Variants in SDSL observed in about 807,000 individuals in gnomAD.
SDSL encodes serine dehydratase like.
Under a neutral mutation model 27.6 loss-of-function variants are expected in SDSL, and 26 were observed. The ratio of observed to expected loss-of-function variants is 0.94; its 90% CI spans 0.69 to 1.31. SDSL has a LOEUF of 1.31. Ranked by LOEUF, SDSL falls within the 50% of genes most tolerant of loss-of-function variation. The probability of loss-of-function intolerance (pLI) is 0.00; values close to 1 mark genes in which losing one functional copy is unlikely to be tolerated. For synonymous variants in SDSL, 196 were observed against 180.6 expected (o/e 1.09, Z -0.69); for missense variants, 431 against 423.5 (o/e 1.02, Z -0.16).
intron 6 of SDSL, 121 bp from the exon 7 acceptor site, chr12:113,436,630 G>A: frequency 9.4e-7 from 1 of 1,059,408 alleles, no homozygotes; most frequent in Non-Finnish European, 1.3e-6. Context: ...GACTTATAAT[G>A]CTGAGCTCCA....
chr12:113,431,979 A>G (rs1593312869), intron 4 of SDSL, among the ~76,000 whole-genome samples: 1 of 147,360 alleles, frequency 6.8e-6, no homozygotes, highest in Non-Finnish European at 1.5e-5. Flanking sequence ...ATGGTCTCGA[A>G]CTCCTGACCT....
At chr12:113,435,236 A>T in intron 5 of SDSL, 93 bp from the exon 6 acceptor site, 1 of 822,988 alleles carries the variant, frequency 1.2e-6, no homozygotes, top group Non-Finnish European at 1.8e-6. Flanking sequence ...GAGGGGGCAG[A>T]GAACCCACCC....
intron 1 of SDSL, chr12:113,426,205 C>T (rs1446426716): frequency 2.2e-6 from 1 of 456,004 alleles, no homozygotes; most frequent in African/African-American, 2.0e-5. Context: ...TGCATTTCTC[C>T]CTCGAGGTGG....
chr12:113,434,007 G>T, intron 4 of SDSL, 127 bp from the exon 5 acceptor site: 1 of 680,934 alleles, frequency 1.5e-6, no homozygotes. Context: ...ACCAGGTATG[G>T]TCTCATCTGC....
chr12:113,423,060 C>G (rs1957810203), intron 1 of SDSL, among the ~76,000 whole-genome samples: 1 of 152,204 alleles, frequency 6.6e-6, no homozygotes, highest in South Asian at 2.1e-4. Flanking sequence ...CAAGACAGCT[C>G]AGTCCCAGAC....
intron 1 of SDSL, chr12:113,426,211 G>A (rs961970836): frequency 2.4e-5 from 11 of 455,702 alleles, no homozygotes; most frequent in Admixed American, 2.4e-4. Flanking sequence ...TCTCCCTCGA[G>A]GTGGTCCTGG....
chr12:113,435,428 G>C lies in SDSL; in HGVS notation c.543G>C (p.Gly181=). 1 of 1,613,628 alleles carries C rather than the reference G, an allele frequency of 6.2e-7. No homozygotes were observed. The highest frequency in any genetic ancestry group is 8.5e-7 in the Non-Finnish European group (1 of 1,179,836). ...TTGGGGGTGGGGGTCTCCTGGCCGG[G>C]GTGGTGGCTGGCCTGCTGGAGGTGG... ...LAVGGGGLLA[G]VVAGLLEVGW... The change falls in exon 6 of 8, where the codon GGG becomes GGC. Residue 181 remains glycine, a synonymous_variant. Coordinates refer to ENST00000403593, the MANE Select transcript of SDSL (RefSeq NM_001304993.2).
intron 1 of SDSL, among the ~76,000 whole-genome samples, chr12:113,423,251 C>T (rs1435872546): frequency 5.9e-5 from 9 of 152,194 alleles, no homozygotes; most frequent in Admixed American, 5.9e-4. Context: ...TAAATGCATG[C>T]AGCTTTCATA....
chr12:113,437,328 C>A (rs1417157269), intron 7 of SDSL, among the ~76,000 whole-genome samples: 3 of 152,192 alleles, frequency 2.0e-5, no homozygotes, highest in Non-Finnish European at 2.9e-5. Flanking sequence ...TCCCTAGGGC[C>A]TTCCTGGCAT....
chr12:113,431,760 G>A (rs190309833), intron 4 of SDSL, among the ~76,000 whole-genome samples: 1 of 138,898 alleles, frequency 7.2e-6, no homozygotes, highest in Non-Finnish European at 1.5e-5. Flanking sequence ...TTTTTTTTGA[G>A]ACGAGTCTCG....
intron 4 of SDSL, among the ~76,000 whole-genome samples, chr12:113,430,928 G>A (rs1473197749): frequency 6.6e-6 from 1 of 152,188 alleles, no homozygotes; most frequent in Non-Finnish European, 1.5e-5. Flanking sequence ...TAAGCCACAT[G>A]GCAAGGTGTA....
At position 113,431,581 on chromosome 12, in the gene SDSL, T is replaced by A. The variant is rs565901473; in HGVS notation, c.354+2282T>A. Among the ~76,000 whole-genome samples the A allele has an allele frequency of 6.6e-5, 10 of 151,972 alleles. No homozygotes were observed. In the South Asian group the frequency reaches 2.1e-3, roughly 32 times the overall value. ...ACATAGTACCAACAGGTAGTTGTTT[T>A]TTTTTTTTTTGAGACAGAGTCTTAT... On this transcript the variant is annotated intron_variant, in intron 4 of 7. Coordinates refer to ENST00000403593, the MANE Select transcript of SDSL (RefSeq NM_001304993.2).
intron 4 of SDSL, among the ~76,000 whole-genome samples, chr12:113,432,270 T>TCTCTC (rs1565879188): frequency 1.7e-5 from 2 of 116,266 alleles, no homozygotes; most frequent in African/African-American, 6.4e-5. Context: ...CTTTCTTTCT[T>TCTCTC]TCTTTCTTTC....
Position 113,436,769 on chromosome 12 carries a change from T to G in SDSL, c.690T>G (p.Gly230=), listed in dbSNP as rs1472482948. Residue 230 remains glycine, a synonymous_variant, in exon 7 of 8, where the codon GGT becomes GGG. Transcript: ENST00000403593. ...CCTGCAGTGTGGCCAAGAGCCTGGGTGCCAAGACGGTGGCCGCTCGGGCCC... is the reference window on the plus strand; with the variant it reads ...CCTGCAGTGTGGCCAAGAGCCTGGGGGCCAAGACGGTGGCCGCTCGGGCCC... ...PDITSVAKSL[G]AKTVAARALE... 1 of 1,609,472 alleles carries G rather than the reference T, an allele frequency of 6.2e-7. No homozygotes were observed. The highest frequency in any genetic ancestry group is 2.2e-5 in the East Asian group (1 of 44,780).
chr12:113,436,695 C>T (rs1374342775), intron 6 of SDSL, 56 bp from the exon 7 acceptor site: 2 of 1,492,182 alleles, frequency 1.3e-6, no homozygotes, highest in African/African-American at 1.4e-5. Flanking sequence ...AGACCTGTTT[C>T]ACCAGCTCTT....
intron 3 of SDSL, 114 bp downstream of exon 3, chr12:113,428,573 C>A: frequency 1.2e-6 from 1 of 820,072 alleles, no homozygotes; most frequent in South Asian, 1.8e-5. Context: ...TCATCAAGGT[C>A]ATTGATGAGA....
intron 7 of SDSL, 120 bp from the exon 8 acceptor site, chr12:113,437,766 C>T: frequency 1.1e-6 from 1 of 873,244 alleles, no homozygotes. Context: ...GCCAGCAGAG[C>T]AGATGAATGG....
At chr12:113,423,170 CAAGAGGGCTGGGGAAGCCTGGA>C (rs1957811248) in intron 1 of SDSL, among the ~76,000 whole-genome samples, 1 of 152,168 alleles carries the variant, frequency 6.6e-6, no homozygotes, top group Non-Finnish European at 1.5e-5. Context: ...TCAGTATAAC[CAAGAGGGCTGGGGAAGCCTGGA>C]AACTGAGCCA....
chr12:113,433,202 T>A (rs1188314896), intron 4 of SDSL, among the ~76,000 whole-genome samples: 3 of 152,212 alleles, frequency 2.0e-5, no homozygotes, highest in Non-Finnish European at 4.4e-5. Context: ...GGAAATTCCT[T>A]GCAGTCAGAG....
Sources: gnomAD v4.1 joint callset for allele counts (sites outside exome capture counted in the v4.1 genomes callset) on GRCh38, gnomAD v4.1.1 for gene constraint, MANE v1.5 for transcripts, NCBI Gene and HGNC (gene_info 2026-07-23, HGNC 2026-07-21) for gene names.